Variants in CPS1 observed in about 807,000 individuals in gnomAD.
CPS1 encodes the protein carbamoyl-phosphate synthase [ammonia], mitochondrial.
A neutral mutation model predicts 174.6 loss-of-function variants in CPS1; 109 were observed. That is an observed-to-expected ratio of 0.62 (90% CI 0.53 to 0.73). The LOEUF is 0.73. Among genes scored for constraint, CPS1 ranks in the 30% least tolerant of loss-of-function variants. CPS1 has a pLI of 0.00. For missense variants in CPS1, 1,689 were observed against 1,821.9 expected (o/e 0.93, Z 1.33); for synonymous variants, 637 against 632.0 (o/e 1.01, Z -0.12).
chr2:210,588,960 C>T (rs1404392068), intron 7 of CPS1, among the ~76,000 whole-genome samples: 3 of 152,032 alleles, frequency 2.0e-5, no homozygotes, highest in African/African-American at 7.2e-5. Context: ...TTCATGTTGC[C>T]CATCTTCCAA....
At position 210,594,537 on chromosome 2, in the gene CPS1, A is replaced by T; in HGVS notation, c.1194A>T (p.Ile398=). ...EYLFDSFFSL[I]KKGKATTITS... is the part of the protein sequence containing the mutation. The stretch of plus-strand genomic sequence containing the variant: ...TGTTTGATTCCTTTTTCTCACTGAT[A>T]AAGAAAGGAAAAGCTACCACCATTA... The change falls in exon 12 of 38, where the codon ATA becomes ATT. Residue 398 remains isoleucine (I), a synonymous_variant. Transcript: ENST00000233072. The T allele has an allele frequency of 6.2e-7, 1 of 1,611,076 alleles. No homozygotes were observed. The highest frequency in any genetic ancestry group is 1.1e-5 in the South Asian group (1 of 91,020).
chr2:210,618,051 A>G (rs755453120), intron 21 of CPS1: 2 of 152,034 alleles, frequency 1.3e-5, no homozygotes, highest in Non-Finnish European at 2.9e-5. Context: ...GACAAATTCA[A>G]TGTTTTAATT....
intron 1 of CPS1, among the ~76,000 whole-genome samples, chr2:210,487,071 T>C (rs1694751185): frequency 6.6e-6 from 1 of 152,218 alleles, no homozygotes; most frequent in African/African-American, 2.4e-5. Context: ...AAATATACAT[T>C]GAAGCATGTC....
chr2:210,508,121 G>C (rs1037652432), intron 1 of CPS1, among the ~76,000 whole-genome samples: 2 of 149,994 alleles, frequency 1.3e-5, no homozygotes, highest in Non-Finnish European at 3.0e-5. Flanking sequence ...TGACCACATA[G>C]TTGGAAGTAA....
Position 210,600,538 on chromosome 2 carries a change from A to G in CPS1, c.1550-17A>G, listed in dbSNP as rs780597708. ...ATTCAAGATTTTAAAAACTAATCCT[A>G]TTTGGTTCTTCTTTAGGAGTGGAAC... On this transcript the variant is annotated splice_polypyrimidine_tract_variant and intron_variant, in intron 14 of 37. Transcript: ENST00000233072. 4.3e-6 allele frequency: 7 copies of G among 1,611,066 alleles called. No homozygotes were observed. Among genetic ancestry groups the G allele is most frequent in the Non-Finnish European group, 5.9e-6 (7 of 1,178,256 alleles).
intron 1 of CPS1, among the ~76,000 whole-genome samples, chr2:210,509,914 G>A (rs1369360365): frequency 1.3e-5 from 2 of 152,096 alleles, no homozygotes; most frequent in Admixed American, 6.6e-5. Flanking sequence ...ATGCTCATGG[G>A]TAGGAACAAT....
intron 1 of CPS1, among the ~76,000 whole-genome samples, chr2:210,504,825 G>A (rs1468957): frequency 0.016 from 2,421 of 152,236 alleles, 51 homozygotes; most frequent in African/African-American, 0.05. Flanking sequence ...ATTAAAAGGC[G>A]GGAAACTTCC....
chr2:210,586,130 T>A (rs1272902209), intron 6 of CPS1, among the ~76,000 whole-genome samples: 1 of 151,830 alleles, frequency 6.6e-6, no homozygotes, highest in Non-Finnish European at 1.5e-5. Context: ...GTATTCCGGC[T>A]CCTGTCACGT....
chr2:210,542,512 C>T (rs1413126449), intron 1 of CPS1, among the ~76,000 whole-genome samples: 1 of 152,076 alleles, frequency 6.6e-6, no homozygotes, highest in Non-Finnish European at 1.5e-5. Flanking sequence ...TCCTATATCT[C>T]CTCCTACCCT....
chr2:210,634,010 G>T (rs529716384), intron 21 of CPS1, among the ~76,000 whole-genome samples: 1 of 152,274 alleles, frequency 6.6e-6, no homozygotes, highest in South Asian at 2.1e-4. Flanking sequence ...TCGCTTATTT[G>T]TCAAGCACTT....
intron 21 of CPS1, among the ~76,000 whole-genome samples, chr2:210,622,868 AT>A (rs992778976): frequency 3.2e-4 from 48 of 150,636 alleles, no homozygotes; most frequent in African/African-American, 1.1e-3. Flanking sequence ...ACTGTTTTTA[AT>A]TTTTTTATTT....
chr2:210,627,276 G>A (rs981872276), intron 21 of CPS1, among the ~76,000 whole-genome samples: 1 of 152,010 alleles, frequency 6.6e-6, no homozygotes, highest in East Asian at 1.9e-4. Context: ...AAAGACCCAG[G>A]ATAATAATTT....
At chr2:210,625,450 G>A (rs112096603) in intron 21 of CPS1, among the ~76,000 whole-genome samples, 3 of 152,140 alleles carry the variant, frequency 2.0e-5, no homozygotes, top group African/African-American at 7.2e-5. Flanking sequence ...TCTCATACAA[G>A]TCTCGATGTA....
upstream of CPS1, among the ~76,000 whole-genome samples, chr2:210,551,921 A>G (rs1696742755): frequency 6.6e-6 from 1 of 151,986 alleles, no homozygotes; most frequent in Non-Finnish European, 1.5e-5. Flanking sequence ...CTTCCTGGCC[A>G]AACTTTGAGG....
At position 210,579,300 on chromosome 2, in the gene CPS1, A is replaced by T. The variant is rs935615028; in HGVS notation, c.472-414A>T. Among the ~76,000 whole-genome samples, 7 of 152,160 alleles carry T rather than the reference A, an allele frequency of 4.6e-5. 1 individual carries two copies. Among genetic ancestry groups the T allele is most frequent in the African/African-American group, 1.7e-4 (7 of 41,442 alleles). Reference sequence around the variant, plus strand: ...TAACAGGATGATCATGTTTTAGTACAACATGACTACTCAACATGGCCCTTC... The same window carrying T: ...TAACAGGATGATCATGTTTTAGTACTACATGACTACTCAACATGGCCCTTC... On this transcript the variant is annotated intron_variant, in intron 4 of 37. Coordinates refer to ENST00000233072, the MANE Select transcript of CPS1 (RefSeq NM_001875.5).
intron 1 of CPS1, among the ~76,000 whole-genome samples, chr2:210,496,230 A>T (rs1379895555): frequency 6.6e-6 from 1 of 151,540 alleles, no homozygotes; most frequent in Non-Finnish European, 1.5e-5. Context: ...TTTCCACTCC[A>T]CATTTTACTA....
At position 210,599,450 on chromosome 2, in the gene CPS1, GAT is replaced by G. The variant is rs756426499; in HGVS notation, c.1440_1441del (p.Thr481CysfsTer58). 1.2e-6 allele frequency: 2 copies of G among 1,612,572 alleles called. No individual in the cohort carries two copies. Among genetic ancestry groups the G allele is most frequent in the Non-Finnish European group, 1.7e-6 (2 of 1,179,074 alleles). On this transcript the variant is annotated frameshift_variant, in exon 14 of 38. Transcript: ENST00000233072. LOFTEE classifies it high-confidence loss of function. ...CAATGAGGTGGGCTTAAAGCAAGCG[GAT>G]ACTGTCTACTTTCTTCCCATCACCC... ...QTNEVGLKQA[D>X]TVYFLPITPQ...
At chr2:210,570,430 T>C (rs1697436376) in intron 1 of CPS1, among the ~76,000 whole-genome samples, 1 of 152,040 alleles carries the variant, frequency 6.6e-6, no homozygotes, top group Non-Finnish European at 1.5e-5. Flanking sequence ...TTGATTTTCT[T>C]ATGCTAATTT....
intron 1 of CPS1, among the ~76,000 whole-genome samples, chr2:210,503,032 G>C (rs1478870200): frequency 6.6e-6 from 1 of 152,166 alleles, no homozygotes; most frequent in African/African-American, 2.4e-5. Context: ...TGGTTCTCTT[G>C]TGCAGGCAGA....
Sources: gnomAD v4.1 joint callset for allele counts (sites outside exome capture counted in the v4.1 genomes callset) on GRCh38, gnomAD v4.1.1 for gene constraint, MANE v1.5 for transcripts, NCBI Gene and HGNC (gene_info 2026-07-23, HGNC 2026-07-21) for gene names.